Variants in NALF1 observed in about 807,000 individuals in gnomAD.
NALF1 encodes family with sequence similarity 155 member A.
A neutral mutation model predicts 48.4 loss-of-function variants in NALF1; 3 were observed. The observed-to-expected ratio is 0.06, with a 90% CI of 0.03 to 0.16. NALF1 has a LOEUF of 0.16. NALF1 is among the 10% of genes least tolerant of loss of function. The pLI is 1.00. For synonymous variants in NALF1, 262 were observed against 245.7 expected, an observed-to-expected ratio of 1.07 and a Z score of -0.62; for missense variants, 526 against 571.5, an observed-to-expected ratio of 0.92 and a Z score of 0.81.
intron 1 of NALF1, chr13:107,835,375 A>G (rs1313424150): frequency 1.3e-5 from 2 of 152,140 alleles, no homozygotes; most frequent in African/African-American, 4.8e-5. Context: ...CTCACAGACA[A>G]GGCTCTTACA....
At chr13:107,702,422 T>C (rs114435479) in intron 1 of NALF1, among the ~76,000 whole-genome samples, 1,753 of 152,328 alleles carry the variant, frequency 0.012, 37 homozygotes, top group African/African-American at 0.039. Flanking sequence ...TCTCTTGTAT[T>C]TAAATTTATA....
chr13:107,341,694 T>C (rs1210523340), intron 1 of NALF1, among the ~76,000 whole-genome samples: 2 of 151,280 alleles, frequency 1.3e-5, no homozygotes, highest in African/African-American at 2.4e-5. Context: ...GTATATATGA[T>C]AGATACATTA....
intron 1 of NALF1, among the ~76,000 whole-genome samples, chr13:107,496,617 T>C (rs1269316599): frequency 3.3e-5 from 5 of 152,288 alleles, no homozygotes; most frequent in South Asian, 2.1e-4. Flanking sequence ...AGAAGCATTA[T>C]TGGAAAAGGA....
At chr13:107,201,144 A>ATATCTATCTATC in intron 2 of NALF1, among the ~76,000 whole-genome samples, 1 of 150,476 alleles carries the variant, frequency 6.6e-6, no homozygotes, top group South Asian at 2.1e-4. Flanking sequence ...ATGTACGTTG[A>ATATCTATCTATC]TATCTATCTA....
intron 1 of NALF1, among the ~76,000 whole-genome samples, chr13:107,380,271 T>G (rs1195257705): frequency 6.6e-6 from 1 of 152,232 alleles, no homozygotes; most frequent in Non-Finnish European, 1.5e-5. Context: ...TTTGCACACT[T>G]GAAATAACGT....
At chr13:107,456,704 G>T (rs1463832551) in intron 1 of NALF1, among the ~76,000 whole-genome samples, 1 of 152,152 alleles carries the variant, frequency 6.6e-6, no homozygotes, top group Non-Finnish European at 1.5e-5. Flanking sequence ...AAATTGCAGA[G>T]AACACTTCCT....
chr13:107,500,990 A>G (rs928952328), intron 1 of NALF1, among the ~76,000 whole-genome samples: 1 of 152,064 alleles, frequency 6.6e-6, no homozygotes, highest in Non-Finnish European at 1.5e-5. Context: ...TTTAGGAGAT[A>G]TACCTAATGC....
intron 1 of NALF1, among the ~76,000 whole-genome samples, chr13:107,307,751 T>G (rs1594113415): frequency 6.6e-6 from 1 of 152,114 alleles, no homozygotes; most frequent in African/African-American, 2.4e-5. Flanking sequence ...TATCATTCTT[T>G]GCGGCACTAA....
intron 1 of NALF1, among the ~76,000 whole-genome samples, chr13:107,316,111 T>C (rs1882144548): frequency 6.6e-6 from 1 of 152,042 alleles, no homozygotes; most frequent in Non-Finnish European, 1.5e-5. Context: ...TGTGTTCTCA[T>C]TGTTCAATTC....
intron 1 of NALF1, among the ~76,000 whole-genome samples, chr13:107,863,352 A>C (rs1880628305): frequency 6.6e-6 from 1 of 152,202 alleles, no homozygotes; most frequent in Non-Finnish European, 1.5e-5. Context: ...TTAAACTAAG[A>C]AACTATGCTT....
rs1288488867 is a variant in NALF1, at chr13:107,169,135, G to A, written c.*1362C>T. 1.3e-5 allele frequency: 2 copies of A among 152,496 alleles called. No individual in the cohort carries two copies. The highest frequency in any genetic ancestry group is 3.9e-4 in the East Asian group (2 of 5,188). 9.4% of individuals were successfully genotyped at this position (152,496 alleles called of 1,614,324 possible). ...ACAAAGAAAATAAAATACAAACAGT[G>A]ATCAGACCTCTTTTCCTCAACTACC... is the stretch of plus-strand genomic sequence containing the variant. On this transcript the variant is annotated 3_prime_UTR_variant, in exon 3 of 3. Coordinates refer to ENST00000375915, the MANE Select transcript of NALF1 (RefSeq NM_001080396.3).
chr13:107,493,769 G>A (rs1030778726), intron 1 of NALF1, among the ~76,000 whole-genome samples: 3 of 152,236 alleles, frequency 2.0e-5, no homozygotes, highest in South Asian at 4.1e-4. Context: ...CATACCTGCA[G>A]TTCCAGCTAC....
At chr13:107,457,503 T>C (rs1286896648) in intron 1 of NALF1, among the ~76,000 whole-genome samples, 1 of 152,328 alleles carries the variant, frequency 6.6e-6, no homozygotes, top group East Asian at 1.9e-4. Flanking sequence ...AGGCATTCTA[T>C]TCCCTGGCTT....
At chr13:107,308,496 T>C (rs1337037673) in intron 1 of NALF1, among the ~76,000 whole-genome samples, 1 of 152,142 alleles carries the variant, frequency 6.6e-6, no homozygotes, top group Non-Finnish European at 1.5e-5. Context: ...GTATCTATGC[T>C]TTTCGGCACT....
intron 1 of NALF1, among the ~76,000 whole-genome samples, chr13:107,430,242 C>G (rs1884352970): frequency 6.6e-6 from 1 of 151,948 alleles, no homozygotes; most frequent in Admixed American, 6.6e-5. Flanking sequence ...CCAGCACTGG[C>G]CATAATGAAG....
chr13:107,698,344 T>C (rs972162869), intron 1 of NALF1, among the ~76,000 whole-genome samples: 6 of 152,114 alleles, frequency 3.9e-5, no homozygotes, highest in Admixed American at 1.3e-4. Context: ...CTCAAAGTAA[T>C]TGTGGCAATT....
intron 1 of NALF1, among the ~76,000 whole-genome samples, chr13:107,647,834 C>A (rs1407853200): frequency 6.6e-6 from 1 of 152,026 alleles, no homozygotes; most frequent in Non-Finnish European, 1.5e-5. Context: ...AGCCATTGAG[C>A]TTCTTCACAT....
At chr13:107,691,523 A>G (rs74444221) in intron 1 of NALF1, among the ~76,000 whole-genome samples, 3 of 152,370 alleles carry the variant, frequency 2.0e-5, no homozygotes, top group East Asian at 3.9e-4. Flanking sequence ...TCCTTCTCAC[A>G]TGCACAGAAA....
At chr13:107,601,788 T>C (rs918255374) in intron 1 of NALF1, among the ~76,000 whole-genome samples, 11 of 151,824 alleles carry the variant, frequency 7.2e-5, no homozygotes, top group African/African-American at 2.7e-4. Context: ...AGGAAAAAGG[T>C]GGAAATAGAG....
Sources: gnomAD v4.1 joint callset for allele counts (sites outside exome capture counted in the v4.1 genomes callset) on GRCh38, gnomAD v4.1.1 for gene constraint, MANE v1.5 for transcripts, NCBI Gene and HGNC (gene_info 2026-07-23, HGNC 2026-07-21) for gene names.